Variants in CNNM2 observed in about 807,000 individuals in gnomAD.
The protein encoded by CNNM2 is cyclin and CBS domain divalent metal cation transport mediator 2.
Under a neutral mutation model 66.9 loss-of-function variants are expected in CNNM2, and 12 were observed. That is an observed-to-expected ratio of 0.18 (90% confidence interval 0.11 to 0.29). The LOEUF is 0.29. Ranked by LOEUF, CNNM2 falls within the 10% of genes least tolerant of loss-of-function variation. The probability of loss-of-function intolerance (pLI) is 1.00; values close to 1 mark genes in which losing one functional copy is unlikely to be tolerated. For synonymous variants in CNNM2, 557 were observed against 501.8 expected (o/e 1.11, Z -1.47); for missense variants, 705 against 1,167.7 (o/e 0.60, Z 5.77).
In CNNM2 at chr10:102,918,521, C is replaced by G; in HGVS notation, c.41C>G (p.Ala14Gly). ...CGACEPKVKMAGGQAAAALPT... is the reference protein window; with the variant it reads ...CGACEPKVKMGGGQAAAALPT... ...GCTTGTGAACCCAAAGTAAAGATGG[C>G]GGGCGGGCAGGCAGCCGCCGCACTG... is the stretch of plus-strand genomic sequence containing the variant. The change falls in exon 1 of 8, where the codon GCG becomes GGG. Residue 14 changes from alanine to glycine, a missense_variant. This residue lies in a region of CNNM2 where 98 missense variants were observed against 73.6 expected (regional missense o/e 1.33). Transcript: ENST00000369878. The surrounding 1 kb of genome is among the most constrained non-coding windows in gnomAD (Gnocchi z 4.1). 6.2e-7 allele frequency: 1 copy of G among 1,604,650 alleles called. No individual in the cohort carries two copies.
At position 103,028,814 on chromosome 10, in the gene CNNM2, CT is replaced by C. The variant is rs67846722; in HGVS notation, c.1622-20880del. ...TCTTCTTTCTTTTCTTTTTCTTTTT[CT>C]TTTTTTTTTTTTCTTTTTTTTTTTT... On this transcript the variant is annotated intron_variant, in intron 1 of 7. Transcript: ENST00000369878. Among the ~76,000 whole-genome samples, 31,034 of 125,894 alleles carry C rather than the reference CT, an allele frequency of 0.25. 2,717 individuals are homozygous for C. Among genetic ancestry groups the C allele is most frequent in the Middle Eastern group, 0.32 (75 of 234 alleles). 82.6% of individuals were successfully genotyped at this position (125,894 alleles called of 152,430 possible).
rs528197063 is a variant in CNNM2, at chr10:102,925,020, G to C, written c.1621+4919G>C. On this transcript the variant is annotated intron_variant, in intron 1 of 7. Transcript: ENST00000369878. ...TGATGATAAGATTTACTTGGGGCTG[G>C]GTGCGGTGGCTCACGCCTGTAATCC... is the stretch of plus-strand genomic sequence containing the variant. Among the ~76,000 whole-genome samples the C allele has an allele frequency of 7.9e-5, 12 of 152,098 alleles. No homozygotes were observed. In the South Asian group the frequency reaches 8.3e-4, roughly 11 times the overall value.
Position 102,934,275 on chromosome 10 carries a change from C to CT in CNNM2, c.1621+14177dup, listed in dbSNP as rs67622312. Among the ~76,000 whole-genome samples, 24,438 of 135,060 alleles carry CT rather than the reference C, an allele frequency of 0.18. 2,871 individuals carry two copies. The highest frequency in any genetic ancestry group is 0.22 in the Non-Finnish European group (13,637 of 63,174). The allele number at this position is 135,060 out of a possible 152,430, so 88.6% of individuals were successfully genotyped here. Reference sequence around the variant, plus strand: ...AGCAAGTCTATTTCTTTCTTTCTTTCTTTCTTTTTTTTTTTTTGAGACAGA... The same window carrying CT: ...AGCAAGTCTATTTCTTTCTTTCTTTCTTTTCTTTTTTTTTTTTTGAGACAGA... On this transcript the variant is annotated intron_variant, in intron 1 of 7. Transcript: ENST00000369878.
intron 1 of CNNM2, among the ~76,000 whole-genome samples, chr10:102,965,248 A>G (rs1482984868): frequency 6.6e-6 from 1 of 152,176 alleles, no homozygotes; most frequent in Non-Finnish European, 1.5e-5. Flanking sequence ...CTCTGTCTTG[A>G]CTTGTTTGAA....
intron 1 of CNNM2, among the ~76,000 whole-genome samples, chr10:102,996,437 G>T (rs2064005776): frequency 6.6e-6 from 1 of 152,152 alleles, no homozygotes; most frequent in Admixed American, 6.5e-5. Context: ...AGGTGCAACA[G>T]CTCACGCCTG....
At chr10:102,982,036 A>G (rs1471073748) in intron 1 of CNNM2, among the ~76,000 whole-genome samples, 1 of 152,174 alleles carries the variant, frequency 6.6e-6, no homozygotes, top group African/African-American at 2.4e-5. Context: ...TATCCACTAC[A>G]TATTCAGAAA....
intron 3 of CNNM2, among the ~76,000 whole-genome samples, chr10:103,056,285 G>C (rs796489401): frequency 1.4e-4 from 21 of 151,548 alleles, no homozygotes; most frequent in African/African-American, 4.6e-4. Context: ...GCATGTTGAT[G>C]TGTGCACATG....
rs1480901190 is a variant in CNNM2 at position 103,078,729 on chromosome 10, G to A, written c.*1549G>A. On this transcript the variant is annotated 3_prime_UTR_variant, in exon 8 of 8. Transcript: ENST00000369878. ...GCATCCATCACTAGGAAAGGAGAGA[G>A]CGTTTTCTGTTTAGGCTCACTGCGC... The A allele has an allele frequency of 1.3e-5, 2 of 152,248 alleles. No homozygotes were observed. The highest frequency in any genetic ancestry group is 4.8e-5 in the African/African-American group (2 of 41,444). The allele number at this position is 152,248 out of a possible 1,614,324, so 9.4% of individuals were successfully genotyped here.
rs1032678271 is a variant in CNNM2, at chr10:103,082,524, T to C, written c.*5344T>C. On this transcript the variant is annotated 3_prime_UTR_variant, in exon 8 of 8. Transcript: ENST00000369878. ...TTTGAGTCCTTTAAACCCACAAATG[T>C]ATATGCTTTATTTTATATTATTTAT... 2 of 152,260 alleles carry C rather than the reference T, an allele frequency of 1.3e-5. No homozygotes were observed. Among genetic ancestry groups the C allele is most frequent in the African/African-American group, 4.8e-5 (2 of 41,470 alleles). 9.4% of individuals were successfully genotyped at this position (152,260 alleles called of 1,614,324 possible).
intron 1 of CNNM2, among the ~76,000 whole-genome samples, chr10:102,938,553 G>A (rs1846321572): frequency 7.0e-6 from 1 of 143,252 alleles, no homozygotes; most frequent in Non-Finnish European, 1.5e-5. Flanking sequence ...CTGGGAAGTA[G>A]AGGCTGCAGT....
intron 4 of CNNM2, among the ~76,000 whole-genome samples, chr10:103,065,917 C>A (rs927601276): frequency 6.6e-6 from 1 of 152,172 alleles, no homozygotes; most frequent in Non-Finnish European, 1.5e-5. Context: ...TCAGGGACTT[C>A]CCCAGCACCC....
rs41287480 is a variant in CNNM2, at chr10:103,077,974, G to A, written c.*794G>A. The A allele has an allele frequency of 0.013, 1,954 of 152,780 alleles. 19 individuals are homozygous for A. Among genetic ancestry groups the A allele is most frequent in the Non-Finnish European group, 0.02 (1,361 of 68,040 alleles). 9.5% of individuals were successfully genotyped at this position (152,780 alleles called of 1,614,324 possible). On this transcript the variant is annotated 3_prime_UTR_variant, in exon 8 of 8. Coordinates refer to ENST00000369878, the MANE Select transcript of CNNM2 (RefSeq NM_017649.5). ...ATGGTTTATCATTGGCAAGAGGCAA[G>A]TTGACTTCATCCTGTCATTCCAGCC... is the stretch of plus-strand genomic sequence containing the variant.
At chr10:102,986,087 T>A (rs544448743) in intron 1 of CNNM2, among the ~76,000 whole-genome samples, 48 of 152,200 alleles carry the variant, frequency 3.2e-4, no homozygotes, top group Non-Finnish European at 5.9e-4. Flanking sequence ...TTGCCCTGTT[T>A]TACTTAGAGA....
intron 1 of CNNM2, among the ~76,000 whole-genome samples, chr10:102,965,352 G>T (rs1019386673): frequency 6.6e-6 from 1 of 152,130 alleles, no homozygotes; most frequent in Admixed American, 6.6e-5. Context: ...CTGGCTTATA[G>T]TTCCTAAAAT....
At chr10:102,945,092 A>G (rs919928176) in intron 1 of CNNM2, among the ~76,000 whole-genome samples, 1 of 151,706 alleles carries the variant, frequency 6.6e-6, no homozygotes, top group African/African-American at 2.4e-5. Flanking sequence ...TGTATCCCCC[A>G]CAAACTCACC....
chr10:102,948,031 G>A (rs1353652975), intron 1 of CNNM2, among the ~76,000 whole-genome samples: 1 of 152,084 alleles, frequency 6.6e-6, no homozygotes, highest in Non-Finnish European at 1.5e-5. Context: ...CCAGCCTGGG[G>A]ATAGAGCGAG....
At chr10:102,989,465 C>T (rs2063856708) in intron 1 of CNNM2, among the ~76,000 whole-genome samples, 1 of 151,082 alleles carries the variant, frequency 6.6e-6, no homozygotes, top group Non-Finnish European at 1.5e-5. Flanking sequence ...AAAATATTTG[C>T]TTTATGTTCT....
intron 1 of CNNM2, among the ~76,000 whole-genome samples, chr10:102,958,183 G>A (rs1256680212): frequency 6.6e-6 from 1 of 152,120 alleles, no homozygotes; most frequent in East Asian, 1.9e-4. Context: ...TGATCCGCCC[G>A]CCTTAGCCTC....
At chr10:103,066,665 G>A (rs149878751) in intron 4 of CNNM2, among the ~76,000 whole-genome samples, 4 of 152,328 alleles carry the variant, frequency 2.6e-5, no homozygotes, top group East Asian at 1.9e-4. Flanking sequence ...TCCTGTATGC[G>A]ATTTGTCTTT....
Sources: allele counts gnomAD v4.1 joint callset (sites outside exome capture counted in the v4.1 genomes callset), GRCh38; gene constraint gnomAD v4.1.1; regional missense constraint gnomAD v4.1.1; non-coding constraint Gnocchi (gnomAD v3.1); transcripts MANE v1.5; gene names NCBI Gene and HGNC (gene_info 2026-07-23, HGNC 2026-07-21).